Variants in CNR2 observed in about 807,000 individuals in gnomAD.
CNR2 encodes cannabinoid receptor 2.
For synonymous variants in CNR2, 172 were observed against 182.2 expected (o/e 0.94, Z 0.45); for missense variants, 379 against 439.9 (o/e 0.86, Z 1.24).
At chr1:23,895,329 C>G (rs1423625609) in intron 1 of CNR2, among the ~76,000 whole-genome samples, 1 of 152,150 alleles carries the variant, frequency 6.6e-6, no homozygotes. Context: ...AGAGAATGGA[C>G]TAATAATGCT....
intron 1 of CNR2, among the ~76,000 whole-genome samples, chr1:23,889,636 C>A (rs1360326901): frequency 1.3e-5 from 2 of 152,138 alleles, no homozygotes; most frequent in East Asian, 3.9e-4. Flanking sequence ...CCGGGCCTTT[C>A]TTTTCTCATC....
At chr1:23,901,953 G>A (rs4648923) in intron 1 of CNR2, 1,599,475 of 1,603,490 alleles carry the variant, frequency 1, 797,804 homozygotes, top group East Asian at 1. Flanking sequence ...TTGATCAGGG[G>A]GAAGTCCAGG....
intron 1 of CNR2, among the ~76,000 whole-genome samples, chr1:23,891,956 T>C (rs1177085670): frequency 6.6e-6 from 1 of 152,092 alleles, no homozygotes; most frequent in Non-Finnish European, 1.5e-5. Context: ...CTTGGGGAGA[T>C]GGAACTCAGC....
At position 23,875,425 on chromosome 1, in the gene CNR2, G is replaced by A. The variant is rs528804725; in HGVS notation, c.193C>T (p.Arg65Cys). The change falls in exon 2 of 2, where the codon CGC becomes TGC. Residue 65 changes from arginine (R) to cysteine (C), a missense_variant. Arg to Cys is a radical substitution (Grantham distance 180). Transcript: ENST00000374472. ...ATGAACAGGTATGAGGGCTTCCGGC[G>A]GAGTTGGTGGGAGGACAGGATCAGA... Reference protein sequence around the residue: ...LYLILSSHQLRRKPSYLFIGS... With the variant: ...LYLILSSHQLCRKPSYLFIGS... The A allele has an allele frequency of 9.2e-5, 148 of 1,614,220 alleles. No individual in the cohort carries two copies. The highest frequency in any genetic ancestry group is 3.3e-4 in the Middle Eastern group (2 of 6,062).
At chr1:23,892,889 G>A (rs1168338014) in intron 1 of CNR2, among the ~76,000 whole-genome samples, 1 of 151,926 alleles carries the variant, frequency 6.6e-6, no homozygotes, top group Non-Finnish European at 1.5e-5. Context: ...AGTGGTGGGT[G>A]CCTGTAATCC....
Position 23,873,379 on chromosome 1 carries a change from G to A in CNR2, c.*1156C>T, listed in dbSNP as rs3003334. ...GCCTCCCGAGTAGCTGGGACTACAGGTGCCTGCCACCATGCCCTGCTAATT... is the reference window on the plus strand; with the variant it reads ...GCCTCCCGAGTAGCTGGGACTACAGATGCCTGCCACCATGCCCTGCTAATT... On this transcript the variant is annotated 3_prime_UTR_variant, in exon 2 of 2. Transcript: ENST00000374472. 0.63 allele frequency: 96,330 copies of A among 151,954 alleles called. 30,950 individuals are homozygous for A. Among genetic ancestry groups the A allele is most frequent in the African/African-American group, 0.76 (31,325 of 41,432 alleles). The allele number at this position is 151,954 out of a possible 1,614,324, so 9.4% of individuals were successfully genotyped here. A position where few individuals can be genotyped will look rare whatever the true frequency, so the allele number is the denominator to read the frequency against.
At chr1:23,884,761 T>C (rs1478867810) in intron 1 of CNR2, among the ~76,000 whole-genome samples, 2 of 152,118 alleles carry the variant, frequency 1.3e-5, no homozygotes, top group South Asian at 4.1e-4. Context: ...GGACCTTTAG[T>C]GGCTCAGCAC....
At chr1:23,891,171 C>T (rs1640183390) in intron 1 of CNR2, among the ~76,000 whole-genome samples, 1 of 152,182 alleles carries the variant, frequency 6.6e-6, no homozygotes, top group African/African-American at 2.4e-5. Context: ...TGAGCCACTG[C>T]TCCTGGCTGG....
rs1009955694 is a variant in CNR2 at position 23,899,407 on chromosome 1, T to C, written c.-46+13839A>G. Among the ~76,000 whole-genome samples the C allele has an allele frequency of 6.6e-5, 10 of 152,278 alleles. No individual in the cohort carries two copies. In the East Asian group the frequency reaches 1.9e-3, roughly 29 times the overall value. On this transcript the variant is annotated intron_variant, in intron 1 of 1. Transcript: ENST00000374472. ...GTTCATTCCTGGGCTGAACTAACTT[T>C]GGGAGAAACTTAGTTTAAAACTAAG...
intron 1 of CNR2, among the ~76,000 whole-genome samples, chr1:23,883,891 T>G (rs565642163): frequency 1.3e-5 from 1 of 74,186 alleles, no homozygotes; most frequent in South Asian, 3.7e-4. Flanking sequence ...GCCAATCCCT[T>G]GTAAAGCCTA....
At chr1:23,897,122 G>A (rs1044571924) in intron 1 of CNR2, among the ~76,000 whole-genome samples, 2 of 151,964 alleles carry the variant, frequency 1.3e-5, no homozygotes, top group African/African-American at 4.8e-5. Flanking sequence ...TGATCCACCC[G>A]CCTCAGCCTC....
At chr1:23,899,212 G>A (rs1640340231) in intron 1 of CNR2, among the ~76,000 whole-genome samples, 1 of 152,112 alleles carries the variant, frequency 6.6e-6, no homozygotes, top group African/African-American at 2.4e-5. Flanking sequence ...AGGTCACAAA[G>A]TTTGTAAATG....
intron 1 of CNR2, among the ~76,000 whole-genome samples, chr1:23,880,865 T>C (rs1639973210): frequency 6.7e-6 from 1 of 149,930 alleles, no homozygotes; most frequent in African/African-American, 2.4e-5. Context: ...TTTATATATG[T>C]AATTTAAATA....
intron 1 of CNR2, among the ~76,000 whole-genome samples, chr1:23,906,094 A>G (rs1412281648): frequency 1.5e-5 from 2 of 131,526 alleles, no homozygotes; most frequent in African/African-American, 5.6e-5. Flanking sequence ...ATAGGTAGAC[A>G]GAGGCAGCCT....
chr1:23,886,836 T>C (rs1640100698), intron 1 of CNR2, among the ~76,000 whole-genome samples: 1 of 152,210 alleles, frequency 6.6e-6, no homozygotes, highest in Admixed American at 6.5e-5. Flanking sequence ...TCCAGTGCAA[T>C]AGGCATAGAG....
At position 23,871,096 on chromosome 1, in the gene CNR2, T is replaced by A. The variant is rs1355088104; in HGVS notation, c.*3439A>T. The A allele has an allele frequency of 7.3e-6, 1 of 136,938 alleles. No individual in the cohort carries two copies. The highest frequency in any genetic ancestry group is 1.5e-5 in the Non-Finnish European group (1 of 66,480). 8.5% of individuals were successfully genotyped at this position (136,938 alleles called of 1,614,324 possible). A position where few individuals can be genotyped will look rare whatever the true frequency, so the allele number is the denominator to read the frequency against. On this transcript the variant is annotated 3_prime_UTR_variant, in exon 2 of 2. Coordinates refer to ENST00000374472, the MANE Select transcript of CNR2 (RefSeq NM_001841.3). The stretch of plus-strand genomic sequence containing the variant: ...TGAACCCAGGAGGCAGAGGTTGCAG[T>A]GAGCCAAGATTGCATGCCACTGCAC...
intron 1 of CNR2, among the ~76,000 whole-genome samples, chr1:23,896,277 T>C (rs756942207): frequency 2.0e-5 from 3 of 152,190 alleles, no homozygotes; most frequent in Non-Finnish European, 4.4e-5. Flanking sequence ...TAGCACTGAG[T>C]TCCGATCTTG....
chr1:23,894,135 A>AG (rs1352456071), intron 1 of CNR2, among the ~76,000 whole-genome samples: 24 of 147,630 alleles, frequency 1.6e-4, no homozygotes, highest in African/African-American at 3.3e-4. Context: ...AAAAAAAAAA[A>AG]AGGGACTGGG....
rs1448870001 is a variant in CNR2, at chr1:23,909,012, G to A, written c.-46+4234C>T. On this transcript the variant is annotated intron_variant, in intron 1 of 1. Transcript: ENST00000374472. ...ATCAGAGACCTCCTCTCTGGGCAGT[G>A]GAAGCAGGTGGGGGAGGGGAGGAGA... Among the ~76,000 whole-genome samples the A allele has an allele frequency of 3.3e-5, 5 of 152,068 alleles. No individual in the cohort carries two copies. The South Asian group carries it at 8.3e-4, about 25-fold the overall frequency.
Sources: gnomAD v4.1 joint callset for allele counts (sites outside exome capture counted in the v4.1 genomes callset) on GRCh38, gnomAD v4.1.1 for gene constraint, MANE v1.5 for transcripts, NCBI Gene and HGNC (gene_info 2026-07-23, HGNC 2026-07-21) for gene names.